Variants in ATP11C observed in about 807,000 individuals in gnomAD.
ATP11C encodes phospholipid-transporting ATPase IG.
In ATP11C, 36 loss-of-function variants were observed where a neutral mutation model predicts 97.4. The ratio of observed to expected loss-of-function variants is 0.37; its 90% CI spans 0.28 to 0.49. ATP11C has a LOEUF of 0.49. Ranked by LOEUF, ATP11C falls within the 20% of genes least tolerant of loss-of-function variation. The pLI is 0.98. For synonymous variants in ATP11C, 275 were observed against 290.9 expected (o/e 0.95, Z 0.56); for missense variants, 730 against 824.6 (o/e 0.89, Z 1.40).
intron 1 of ATP11C, among the ~76,000 whole-genome samples, chrX:139,874,825 A>G (rs2084442076): frequency 1.8e-5 from 2 of 112,076 alleles, no homozygotes; most frequent in Non-Finnish European, 3.8e-5. Flanking sequence ...GGAGAGGTAA[A>G]ATGAATGAAA....
In ATP11C at chrX:139,829,974, A is replaced by G. The variant is rs563579041; in HGVS notation, c.28-3151T>C. Among the ~76,000 whole-genome samples the G allele has an allele frequency of 2.9e-4, 32 of 111,910 alleles. No homozygotes were observed. The South Asian group carries it at 0.01, about 36-fold the overall frequency. ...CTTTGCTAGTCATAAAAAAATGAAA[A>G]GCCATTGGAAATAAAATTTGTTCCT... On this transcript the variant is annotated intron_variant, in intron 1 of 29. Coordinates refer to ENST00000682941, the MANE Select transcript of ATP11C (RefSeq NM_001353812.2).
At chrX:139,876,365 A>C (rs1321070934) in intron 1 of ATP11C, among the ~76,000 whole-genome samples, 2 of 112,263 alleles carry the variant, frequency 1.8e-5, no homozygotes, top group East Asian at 5.6e-4. Flanking sequence ...GATGTTTGTC[A>C]AGTACCCTTT....
intron 1 of ATP11C, among the ~76,000 whole-genome samples, chrX:139,919,155 A>C (rs1427134182): frequency 9.1e-6 from 1 of 110,260 alleles, no homozygotes; most frequent in African/African-American, 3.3e-5. Context: ...AGGCACGAGA[A>C]TAGCTTGAAC....
At chrX:139,893,684 ACT>A (rs764884317) in intron 1 of ATP11C, among the ~76,000 whole-genome samples, 110 of 108,505 alleles carry the variant, frequency 1.0e-3, no homozygotes, top group Non-Finnish European at 1.9e-3. Flanking sequence ...TGGCCTTTTT[ACT>A]CTCACTGTAC....
chrX:139,731,795 T>C, intron 28 of ATP11C, 40 bp from the exon 29 acceptor site: 1 of 927,555 alleles, frequency 1.1e-6, no homozygotes, highest in Non-Finnish European at 1.5e-6. Context: ...CATTTGAAAA[T>C]TGGTTAACCT....
chrX:139,909,289 G>A (rs1366828867), intron 1 of ATP11C, among the ~76,000 whole-genome samples: 6 of 110,454 alleles, frequency 5.4e-5, no homozygotes, highest in Non-Finnish European at 1.1e-4. Context: ...CTGCCACCAC[G>A]CCTGGCTAAT....
intron 1 of ATP11C, among the ~76,000 whole-genome samples, chrX:139,835,888 G>A (rs1038582229): frequency 1.9e-5 from 2 of 106,013 alleles, no homozygotes; most frequent in Non-Finnish European, 3.9e-5. Context: ...TTAGCCAGGC[G>A]TGGTGGTACA....
intron 1 of ATP11C, among the ~76,000 whole-genome samples, chrX:139,828,747 TAGAG>T (rs2147887908): frequency 9.0e-6 from 1 of 111,701 alleles, no homozygotes; most frequent in East Asian, 2.8e-4. Flanking sequence ...GCAAAGGAGG[TAGAG>T]AATCAGTGAA....
At chrX:139,825,779 T>C (rs974049937) in intron 2 of ATP11C, among the ~76,000 whole-genome samples, 4 of 112,711 alleles carry the variant, frequency 3.5e-5, no homozygotes, top group African/African-American at 1.3e-4. Flanking sequence ...GAACCAAATG[T>C]CACCAACTTT....
chrX:139,736,734 G>A (rs2081451820), intron 28 of ATP11C, among the ~76,000 whole-genome samples: 5 of 111,351 alleles, frequency 4.5e-5, no homozygotes. Context: ...CATAAGACAT[G>A]TAGAAAGCAG....
At chrX:139,777,066 G>C (rs2082362455) in intron 18 of ATP11C, among the ~76,000 whole-genome samples, 1 of 111,568 alleles carries the variant, frequency 9.0e-6, no homozygotes, top group South Asian at 3.8e-4. Context: ...AAAATAAGAA[G>C]CAACAGATCC....
At chrX:139,773,136 G>C (rs1428842166) in intron 19 of ATP11C, among the ~76,000 whole-genome samples, 1 of 110,957 alleles carries the variant, frequency 9.0e-6, no homozygotes, top group African/African-American at 3.3e-5. Flanking sequence ...AGATCTGATG[G>C]GTTTATCAGG....
chrX:139,829,143 TGAAAGAA>T (rs921395967), intron 1 of ATP11C, among the ~76,000 whole-genome samples: 1 of 111,531 alleles, frequency 9.0e-6, no homozygotes, highest in African/African-American at 3.3e-5. Flanking sequence ...AACAGAAGCC[TGAAAGAA>T]GCAGCAGAAT....
At chrX:139,808,947 T>C (rs2083105197) in intron 5 of ATP11C, among the ~76,000 whole-genome samples, 1 of 110,661 alleles carries the variant, frequency 9.0e-6, no homozygotes, top group Admixed American at 9.6e-5. Flanking sequence ...ACCCCGTCTC[T>C]ACCAAAAATA....
chrX:139,738,651 T>C (rs1277624817), intron 27 of ATP11C, among the ~76,000 whole-genome samples: 3 of 111,628 alleles, frequency 2.7e-5, no homozygotes, highest in Non-Finnish European at 5.7e-5. Flanking sequence ...TAATTGGACA[T>C]TAAGCCTTAG....
chrX:139,804,478 T>C lies in ATP11C; in HGVS notation c.548A>G (p.Asn183Ser). 5 of 1,205,042 alleles carry C rather than the reference T, an allele frequency of 4.1e-6. No homozygotes were observed. The highest frequency in any genetic ancestry group is 3.0e-5 in the East Asian group (1 of 33,656). Reference sequence around the variant, plus strand: ...CAAGGTTTAGTCTGTTACCTTGCAATTGGATTCCCCATCAAGACTGGCTGT... The same window carrying C: ...CAAGGTTTAGTCTGTTACCTTGCAACTGGATTCCCCATCAAGACTGGCTGT... Reference protein sequence around the residue: ...VTTASLDGESNCKTHYAVRDT... With the variant: ...VTTASLDGESSCKTHYAVRDT... The change falls in exon 6 of 30, where the codon AAT becomes AGT. Residue 183 changes from asparagine (N) to serine (S), a missense_variant. By Grantham distance (46) the Asn-to-Ser change is conservative. Coordinates refer to ENST00000682941, the MANE Select transcript of ATP11C (RefSeq NM_001353812.2).
At chrX:139,912,532 T>C (rs1362725035) in intron 1 of ATP11C, among the ~76,000 whole-genome samples, 1 of 111,188 alleles carries the variant, frequency 9.0e-6, no homozygotes, top group Non-Finnish European at 1.9e-5. Context: ...TAAAAGGAAG[T>C]GATTTTTCCA....
At chrX:139,884,812 T>C (rs2084614416) in intron 1 of ATP11C, among the ~76,000 whole-genome samples, 1 of 112,274 alleles carries the variant, frequency 8.9e-6, no homozygotes, top group South Asian at 3.6e-4. Flanking sequence ...TGCCATCTTC[T>C]AAAACCAGAT....
intron 1 of ATP11C, among the ~76,000 whole-genome samples, chrX:139,863,153 C>A (rs777040863): frequency 8.9e-6 from 1 of 112,232 alleles, no homozygotes; most frequent in Non-Finnish European, 1.9e-5. Flanking sequence ...TACCTGAGGA[C>A]TTTAATTTCA....
Sources: allele counts gnomAD v4.1 joint callset (sites outside exome capture counted in the v4.1 genomes callset), GRCh38; gene constraint gnomAD v4.1.1; transcripts MANE v1.5; gene names NCBI Gene and HGNC (gene_info 2026-07-23, HGNC 2026-07-21).